The following GRM7 variants were observed in gnomAD, a reference collection of about 807,000 sequenced individuals.
GRM7 encodes the protein metabotropic glutamate receptor 7.
GRM7 carries 35 observed loss-of-function variants against 84.5 expected under a neutral mutation model. The observed-to-expected ratio is 0.41, with a 90% CI of 0.32 to 0.55. The LOEUF (loss-of-function observed/expected upper bound fraction) is 0.55. GRM7 is among the 20% of genes least tolerant of loss of function. GRM7 has a pLI of 0.19. For synonymous variants in GRM7, 487 were observed against 455.1 expected, an observed-to-expected ratio of 1.07 and a Z score of -0.89; for missense variants, 1,003 against 1,194.6, an observed-to-expected ratio of 0.84 and a Z score of 2.36.
intron 7 of GRM7, among the ~76,000 whole-genome samples, chr3:7,573,837 C>T (rs1045242362): frequency 3.9e-5 from 6 of 152,098 alleles, no homozygotes; most frequent in African/African-American, 1.4e-4. Context: ...CTACTATCCA[C>T]GTAAGAATTT....
chr3:7,280,252 G>A (rs149695406), intron 2 of GRM7, among the ~76,000 whole-genome samples: 7 of 152,300 alleles, frequency 4.6e-5, no homozygotes, highest in African/African-American at 1.7e-4. Context: ...ACCAGGACTA[G>A]ATGGAAAGTC....
chr3:6,951,447 A>G (rs759607582), intron 1 of GRM7, among the ~76,000 whole-genome samples: 14 of 152,048 alleles, frequency 9.2e-5, no homozygotes, highest in Non-Finnish European at 2.1e-4. Context: ...CTTAAGTACT[A>G]CTTTAGTGGT....
intron 8 of GRM7, among the ~76,000 whole-genome samples, chr3:7,656,547 G>GCGCA (rs1553632745): frequency 1.0e-3 from 144 of 139,294 alleles, no homozygotes; most frequent in African/African-American, 3.0e-3. Flanking sequence ...ATACGCGCGC[G>GCGCA]CACACACACA....
chr3:7,056,246 A>C (rs112311936), intron 1 of GRM7, among the ~76,000 whole-genome samples: 3,969 of 152,018 alleles, frequency 0.026, 135 homozygotes, highest in African/African-American at 0.077. Flanking sequence ...GGAAAAGAGG[A>C]CTTAGAGTTC....
intron 1 of GRM7, among the ~76,000 whole-genome samples, chr3:6,995,182 A>C (rs889745211): frequency 2.6e-5 from 4 of 152,230 alleles, no homozygotes; most frequent in Admixed American, 1.3e-4. Context: ...ATGAGTGATA[A>C]ATGCATTTTA....
intron 2 of GRM7, among the ~76,000 whole-genome samples, chr3:7,282,036 T>C (rs925296140): frequency 6.6e-6 from 1 of 152,140 alleles, no homozygotes; most frequent in Non-Finnish European, 1.5e-5. Flanking sequence ...TGAGCAGAGA[T>C]TGCGCCACTG....
At chr3:7,304,701 A>G (rs1375924927) in intron 3 of GRM7, among the ~76,000 whole-genome samples, 1 of 152,070 alleles carries the variant, frequency 6.6e-6, no homozygotes, top group African/African-American at 2.4e-5. Flanking sequence ...TATCTATGCC[A>G]ATTTAATTTT....
At chr3:7,259,954 T>TTTTTTTTTTTTG (rs1553638870) in intron 2 of GRM7, among the ~76,000 whole-genome samples, 2 of 14,246 alleles carry the variant, frequency 1.4e-4, no homozygotes, top group Admixed American at 1.4e-3. Context: ...CCAGCATCTG[T>TTTTTTTTTTTTG]TTTTTTTTTT....
At chr3:7,370,408 C>T (rs1489873997) in intron 4 of GRM7, among the ~76,000 whole-genome samples, 1 of 152,058 alleles carries the variant, frequency 6.6e-6, no homozygotes, top group African/African-American at 2.4e-5. Context: ...AATTGTAGTT[C>T]CCATAATTCC....
intron 2 of GRM7, among the ~76,000 whole-genome samples, chr3:7,212,154 CAT>C (rs1254597653): frequency 1.3e-5 from 2 of 151,126 alleles, no homozygotes; most frequent in East Asian, 1.9e-4. Context: ...CTAAATGAGG[CAT>C]AGTTTTTCAA....
At chr3:7,313,010 C>T (rs1226079133) in intron 4 of GRM7, among the ~76,000 whole-genome samples, 3 of 151,318 alleles carry the variant, frequency 2.0e-5, no homozygotes, top group African/African-American at 7.3e-5. Flanking sequence ...CTCACTGCAC[C>T]CTCCATCTCC....
At chr3:7,426,508 T>C (rs1240129234) in intron 5 of GRM7, among the ~76,000 whole-genome samples, 2 of 152,140 alleles carry the variant, frequency 1.3e-5, no homozygotes, top group South Asian at 2.1e-4. Context: ...AATACAACTT[T>C]TGACAATCAC....
chr3:7,631,684 A>G (rs1371368689), intron 8 of GRM7, among the ~76,000 whole-genome samples: 1 of 152,118 alleles, frequency 6.6e-6, no homozygotes, highest in African/African-American at 2.4e-5. Flanking sequence ...GCATTGTAGG[A>G]TATATAACAA....
intron 4 of GRM7, among the ~76,000 whole-genome samples, chr3:7,321,354 A>T: frequency 6.6e-6 from 1 of 152,190 alleles, no homozygotes; most frequent in East Asian, 1.9e-4. Context: ...TAGGCATGGC[A>T]TTATATGTAA....
chr3:7,014,951 G>A (rs1203708857), intron 1 of GRM7, among the ~76,000 whole-genome samples: 3 of 152,288 alleles, frequency 2.0e-5, no homozygotes, highest in South Asian at 4.1e-4. Context: ...CTAGCTAGGG[G>A]TTTGTAAAAT....
In GRM7 at chr3:6,862,448, G is replaced by T. The variant is rs1039526251; in HGVS notation, c.519+541G>T. ...TAACCTAGATGTGGATGTTAAGTCCGCATCTCCCTCGGGCTGATTTCCCGA... is the reference window on the plus strand; with the variant it reads ...TAACCTAGATGTGGATGTTAAGTCCTCATCTCCCTCGGGCTGATTTCCCGA... On this transcript the variant is annotated intron_variant, in intron 1 of 9. Transcript: ENST00000357716. This position sits in a 1 kb window ranked among gnomAD's most constrained non-coding sequence, Gnocchi z 5.2. Among the ~76,000 whole-genome samples, 3 of 152,072 alleles carry T rather than the reference G, an allele frequency of 2.0e-5. No homozygotes were observed. The highest frequency in any genetic ancestry group is 2.9e-5 in the Non-Finnish European group (2 of 68,018).
At chr3:7,215,325 T>G (rs548983415) in intron 2 of GRM7, among the ~76,000 whole-genome samples, 12 of 152,296 alleles carry the variant, frequency 7.9e-5, no homozygotes, top group African/African-American at 2.6e-4. Flanking sequence ...TCCCATAGCT[T>G]ATCTGTGACT....
chr3:7,197,157 A>G (rs756822117), intron 2 of GRM7, among the ~76,000 whole-genome samples: 1 of 152,158 alleles, frequency 6.6e-6, no homozygotes, highest in Non-Finnish European at 1.5e-5. Context: ...CTCTGGTGAC[A>G]TTGATGCTTT....
chr3:6,955,750 G>A (rs1021111023), intron 1 of GRM7, among the ~76,000 whole-genome samples: 1 of 150,690 alleles, frequency 6.6e-6, no homozygotes, highest in African/African-American at 2.4e-5. Flanking sequence ...GCTGAGGCAC[G>A]AGAATCACAT....
Sources: allele counts gnomAD v4.1 joint callset (sites outside exome capture counted in the v4.1 genomes callset), GRCh38; gene constraint gnomAD v4.1.1; non-coding constraint Gnocchi (gnomAD v3.1); transcripts MANE v1.5; gene names NCBI Gene and HGNC (gene_info 2026-07-23, HGNC 2026-07-21).